The following SENP7 variants were observed in gnomAD, a reference collection of about 807,000 sequenced individuals.
SENP7 encodes the protein SUMO specific peptidase 7.
In SENP7, 64 loss-of-function variants were observed where a neutral mutation model predicts 141.2. The ratio of observed to expected loss-of-function variants is 0.45; its 90% CI spans 0.37 to 0.56. SENP7 has a LOEUF of 0.56. Among genes scored for constraint, SENP7 ranks in the 20% least tolerant of loss-of-function variants. SENP7 has a pLI of 0.00. For synonymous variants in SENP7, 382 were observed against 426.4 expected (o/e 0.90, Z 1.28); for missense variants, 1,025 against 1,212.2 (o/e 0.85, Z 2.29).
Position 101,331,563 on chromosome 3 carries a change from A to AAAAATAAT in SENP7, c.2698+421_2698+422insATTATTTT, listed in dbSNP as rs1553690644. Among the ~76,000 whole-genome samples, 1,278 of 150,358 alleles carry AAAAATAAT rather than the reference A, an allele frequency of 8.5e-3. 22 individuals carry two copies. The highest frequency in any genetic ancestry group is 0.03 in the African/African-American group (1,238 of 40,886). Reference sequence around the variant, plus strand: ...TAAAACAAGCAAAAAATGTCAATGGAAATAATAATAATACATGGAATAAAC... The same window carrying AAAAATAAT: ...TAAAACAAGCAAAAAATGTCAATGGAAAAATAATAATAATAATAATACATGGAATAAAC... On this transcript the variant is annotated intron_variant, in intron 19 of 23. Coordinates refer to ENST00000394095, the MANE Select transcript of SENP7 (RefSeq NM_020654.5).
intron 4 of SENP7, among the ~76,000 whole-genome samples, chr3:101,426,721 A>G (rs2061971549): frequency 6.6e-6 from 1 of 152,076 alleles, no homozygotes; most frequent in African/African-American, 2.4e-5. Flanking sequence ...ACCTCAAGTG[A>G]TCCTCCCACC....
intron 3 of SENP7, among the ~76,000 whole-genome samples, chr3:101,482,221 G>A (rs2064517572): frequency 6.6e-6 from 1 of 151,860 alleles, no homozygotes; most frequent in African/African-American, 2.4e-5. Context: ...GCTGAGGCAG[G>A]AGAATGGCAT....
At chr3:101,362,579 C>T (rs771208593) in intron 10 of SENP7, among the ~76,000 whole-genome samples, 1 of 152,092 alleles carries the variant, frequency 6.6e-6, no homozygotes, top group Non-Finnish European at 1.5e-5. Context: ...CAGATAATAC[C>T]CAACAGGAAG....
chr3:101,366,296 T>G (rs755774324), intron 9 of SENP7, 134 bp downstream of exon 9: 2 of 533,558 alleles, frequency 3.7e-6, no homozygotes, highest in South Asian at 9.2e-5. Context: ...AGCCCTTTTT[T>G]CCTAAAGTTA....
intron 18 of SENP7, 71 bp from the exon 19 acceptor site, chr3:101,332,180 A>G (rs2059075573): frequency 1.4e-6 from 2 of 1,419,058 alleles, no homozygotes; most frequent in African/African-American, 1.4e-5. Flanking sequence ...CTAGAGATAC[A>G]TCTGAGAAAG....
chr3:101,399,197 T>A, intron 5 of SENP7, 142 bp from the exon 6 acceptor site: 1 of 459,702 alleles, frequency 2.2e-6, no homozygotes. Context: ...AATTAACCCA[T>A]AAATACTTAA....
chr3:101,340,773 A>G (rs1432539626), intron 15 of SENP7, among the ~76,000 whole-genome samples: 1 of 152,194 alleles, frequency 6.6e-6, no homozygotes, highest in Non-Finnish European at 1.5e-5. Flanking sequence ...AGAGACCACA[A>G]AGGAGACATA....
In SENP7 at chr3:101,356,420, CATT is replaced by C. The variant is rs369383490; in HGVS notation, c.1624-4772_1624-4770del. Among the ~76,000 whole-genome samples the C allele has an allele frequency of 3.5e-4, 54 of 152,242 alleles. No homozygotes were observed. The South Asian group carries it at 9.1e-3, about 26-fold the overall frequency. On this transcript the variant is annotated intron_variant, in intron 11 of 23. Coordinates refer to ENST00000394095, the MANE Select transcript of SENP7 (RefSeq NM_020654.5). ...AAGTAATTTGAAAGCTGTATTACAT[CATT>C]ATTCACTTTTCAAAAAAATTTTTTC...
At chr3:101,408,014 T>C (rs1335188174) in intron 5 of SENP7, among the ~76,000 whole-genome samples, 1 of 151,666 alleles carries the variant, frequency 6.6e-6, no homozygotes, top group Admixed American at 6.6e-5. Context: ...AAAAGAGAAA[T>C]AAAATTGATA....
At chr3:101,439,417 C>CCA (rs1268002080) in intron 4 of SENP7, among the ~76,000 whole-genome samples, 1 of 1,330 alleles carries the variant, frequency 7.5e-4, no homozygotes, top group South Asian at 0.025. Flanking sequence ...GCCAGCCCCC[C>CCA]CCCGGCCAGC....
At chr3:101,406,020 G>C (rs1256937083) in intron 5 of SENP7, among the ~76,000 whole-genome samples, 1 of 152,178 alleles carries the variant, frequency 6.6e-6, no homozygotes, top group East Asian at 1.9e-4. Flanking sequence ...GTGGAAGAGA[G>C]TGTGGTGATT....
chr3:101,332,949 T>C, intron 17 of SENP7, 87 bp from the exon 18 acceptor site: 1 of 1,306,712 alleles, frequency 7.7e-7, no homozygotes, highest in Middle Eastern at 2.6e-4. Flanking sequence ...TATTGAAATA[T>C]CTTAAATTTA....
At chr3:101,503,925 A>G (rs560444531) in intron 1 of SENP7, among the ~76,000 whole-genome samples, 111 of 152,168 alleles carry the variant, frequency 7.3e-4, no homozygotes, top group African/African-American at 2.4e-3. Context: ...CAGCCTGGGC[A>G]ACAGAGCAAG....
At chr3:101,422,152 C>T (rs372593798) in intron 4 of SENP7, among the ~76,000 whole-genome samples, 19 of 152,162 alleles carry the variant, frequency 1.2e-4, no homozygotes, top group South Asian at 1.0e-3. Flanking sequence ...ACTTCACATG[C>T]GAGGGATCTA....
intron 11 of SENP7, chr3:101,357,840 C>A: frequency 1.8e-6 from 1 of 569,250 alleles, no homozygotes; most frequent in Non-Finnish European, 3.3e-6. Flanking sequence ...TGGAGAGAAA[C>A]GCTACAGATG....
intron 3 of SENP7, among the ~76,000 whole-genome samples, chr3:101,483,478 G>T (rs997003534): frequency 2.0e-5 from 3 of 152,094 alleles, no homozygotes; most frequent in African/African-American, 7.2e-5. Flanking sequence ...GGGAATAAAG[G>T]GGGTGGGAAA....
intron 6 of SENP7, among the ~76,000 whole-genome samples, chr3:101,386,281 AG>A (rs2060648662): frequency 1.3e-5 from 2 of 152,212 alleles, no homozygotes; most frequent in South Asian, 4.1e-4. Context: ...CTTGCTGTGA[AG>A]AAAAGGTAAG....
intron 5 of SENP7, among the ~76,000 whole-genome samples, chr3:101,412,588 T>A (rs1245516021): frequency 6.6e-6 from 1 of 152,072 alleles, no homozygotes; most frequent in Non-Finnish European, 1.5e-5. Flanking sequence ...CAAAGATAAA[T>A]AAATATATTT....
intron 6 of SENP7, among the ~76,000 whole-genome samples, chr3:101,378,525 T>TA (rs2060403365): frequency 6.6e-6 from 1 of 151,438 alleles, no homozygotes; most frequent in South Asian, 2.1e-4. Flanking sequence ...AAAAAAAGAC[T>TA]AAAAAAACCC....
Sources: allele counts gnomAD v4.1 joint callset (sites outside exome capture counted in the v4.1 genomes callset), GRCh38; gene constraint gnomAD v4.1.1; transcripts MANE v1.5; gene names NCBI Gene and HGNC (gene_info 2026-07-23, HGNC 2026-07-21).